The following DLG2 variants were observed in gnomAD, a reference collection of about 807,000 sequenced individuals.
The protein encoded by DLG2 is discs large MAGUK scaffold protein 2, also known as disks large homolog 2.
Under a neutral mutation model 132.5 loss-of-function variants are expected in DLG2, and 45 were observed. The ratio of observed to expected loss-of-function variants is 0.34; its 90% confidence interval spans 0.27 to 0.44. The LOEUF (loss-of-function observed/expected upper bound fraction) is 0.44, where lower values mean the gene tolerates loss of function less well. Among genes scored for constraint, DLG2 ranks in the 20% least tolerant of loss-of-function variants. The pLI, the probability that DLG2 is intolerant of heterozygous loss-of-function variation, is 1.00. For synonymous variants in DLG2, 424 were observed against 419.6 expected, an observed-to-expected ratio of 1.01 and a Z score of -0.13; for missense variants, 1,045 against 1,196.9, an observed-to-expected ratio of 0.87 and a Z score of 1.87.
At chr11:84,255,431 C>T (rs559350724) in intron 7 of DLG2, among the ~76,000 whole-genome samples, 97 of 152,264 alleles carry the variant, frequency 6.4e-4, no homozygotes, top group African/African-American at 2.2e-3. Flanking sequence ...TCAAGTGATT[C>T]TTCTGCCTCA....
chr11:84,780,778 A>C (rs1054153916), intron 6 of DLG2, among the ~76,000 whole-genome samples: 18 of 152,104 alleles, frequency 1.2e-4, no homozygotes, highest in African/African-American at 4.1e-4. Context: ...GTAACAAATG[A>C]TACTATTATC....
chr11:84,466,576 A>G (rs549082836), intron 7 of DLG2, among the ~76,000 whole-genome samples: 2 of 151,476 alleles, frequency 1.3e-5, no homozygotes, highest in African/African-American at 4.8e-5. Context: ...ACAAAATTCC[A>G]CTGAGATACT....
At chr11:85,071,167 A>T (rs189585213) in intron 6 of DLG2, among the ~76,000 whole-genome samples, 34 of 152,042 alleles carry the variant, frequency 2.2e-4, no homozygotes, top group African/African-American at 7.9e-4. Flanking sequence ...TTAGTCATTT[A>T]ACTACTGTGG....
chr11:84,016,542 G>A (rs1479012385), intron 11 of DLG2, among the ~76,000 whole-genome samples: 1 of 152,014 alleles, frequency 6.6e-6, no homozygotes, highest in African/African-American at 2.4e-5. Flanking sequence ...TATAAGGAAG[G>A]GGTCCAGTTT....
intron 9 of DLG2, among the ~76,000 whole-genome samples, chr11:84,142,319 CAA>C (rs71066094): frequency 1.4e-3 from 119 of 86,838 alleles, no homozygotes; most frequent in East Asian, 3.9e-3. Flanking sequence ...GAATCCATCT[CAA>C]AAAAAAAAAA....
Position 83,980,577 on chromosome 11 carries a change from C to T in DLG2, c.985G>A (p.Val329Ile). ...GCTCCTCCATCTATAATTTTAGTTA[C>T]ATAAATGCTGTTGTCTCCAGGAATG... ...QHIPGDNSIYVTKIIDGGAAQ... is the reference protein window; with the variant it reads ...QHIPGDNSIYITKIIDGGAAQ... Residue 329 changes from valine to isoleucine, a missense_variant, in exon 12 of 28, where the codon GTA (valine) becomes ATA (isoleucine). Val to Ile is a conservative substitution (Grantham distance 29). Transcript: ENST00000376104. 1 of 1,613,816 alleles carries T rather than the reference C, an allele frequency of 6.2e-7. No individual in the cohort carries two copies. The highest frequency in any genetic ancestry group is 8.5e-7 in the Non-Finnish European group (1 of 1,179,850).
chr11:84,781,424 T>G (rs2071752780), intron 6 of DLG2, among the ~76,000 whole-genome samples: 1 of 152,092 alleles, frequency 6.6e-6, no homozygotes, highest in Non-Finnish European at 1.5e-5. Context: ...TGAGTTGATT[T>G]CATTCATTAA....
At chr11:84,300,680 G>C (rs1325459406) in intron 7 of DLG2, among the ~76,000 whole-genome samples, 1 of 152,090 alleles carries the variant, frequency 6.6e-6, no homozygotes, top group Non-Finnish European at 1.5e-5. Flanking sequence ...GACATCATAA[G>C]AGCTTCGTAA....
chr11:85,203,988 C>T (rs7129666), intron 4 of DLG2, among the ~76,000 whole-genome samples: 6,443 of 152,150 alleles, frequency 0.042, 187 homozygotes, highest in East Asian at 0.092. Context: ...TTCAACATCT[C>T]TTTATGATAA....
At chr11:84,544,582 G>A (rs1007535299) in intron 6 of DLG2, among the ~76,000 whole-genome samples, 7 of 152,160 alleles carry the variant, frequency 4.6e-5, no homozygotes, top group Admixed American at 4.6e-4. Context: ...ATGAATTCTG[G>A]CATTAGACAC....
intron 3 of DLG2, among the ~76,000 whole-genome samples, chr11:85,321,718 G>GGATCAA (rs1210291013): frequency 6.6e-6 from 1 of 152,100 alleles, no homozygotes; most frequent in Non-Finnish European, 1.5e-5. Flanking sequence ...GAGGAGGAAA[G>GGATCAA]GATCAACTGT....
chr11:85,014,340 T>G lies in DLG2; in HGVS notation c.357+97321A>C, dbSNP rs549134103. ...TAGTACATATTTGGTGCTCAATATG[T>G]TTTAGTTCCTTGTAATTCTTCCTTA... On this transcript the variant is annotated intron_variant, in intron 6 of 27. Transcript: ENST00000376104. Among the ~76,000 whole-genome samples, 35 of 152,310 alleles carry G rather than the reference T, an allele frequency of 2.3e-4. No individual in the cohort carries two copies. In the East Asian group the frequency reaches 6.4e-3, roughly 28 times the overall value.
At chr11:85,183,654 T>C (rs1311547352) in intron 4 of DLG2, among the ~76,000 whole-genome samples, 5 of 151,954 alleles carry the variant, frequency 3.3e-5, no homozygotes, top group Non-Finnish European at 7.4e-5. Context: ...TTGGTCCTGT[T>C]GTACCCCATT....
intron 7 of DLG2, among the ~76,000 whole-genome samples, chr11:84,351,494 A>T (rs2098570781): frequency 6.6e-6 from 1 of 152,230 alleles, no homozygotes; most frequent in Non-Finnish European, 1.5e-5. Flanking sequence ...TTGGCAAGTT[A>T]ATTAATCTCT....
At chr11:84,414,474 G>A (rs976560355) in intron 7 of DLG2, among the ~76,000 whole-genome samples, 7 of 152,224 alleles carry the variant, frequency 4.6e-5, no homozygotes, top group South Asian at 2.1e-4. Context: ...CCTGAGGGAC[G>A]AACTTGGACC....
intron 7 of DLG2, among the ~76,000 whole-genome samples, chr11:84,261,423 G>A (rs1029969071): frequency 1.3e-5 from 2 of 152,056 alleles, no homozygotes; most frequent in Non-Finnish European, 2.9e-5. Flanking sequence ...TAAAGTTCCA[G>A]ATGCTTCATG....
chr11:85,091,162 G>T (rs1275741505), intron 6 of DLG2, among the ~76,000 whole-genome samples: 1 of 152,202 alleles, frequency 6.6e-6, no homozygotes, highest in African/African-American at 2.4e-5. Context: ...CATGAGGTTT[G>T]CGGGAGATAA....
At chr11:85,390,678 T>A (rs942630008) in intron 3 of DLG2, among the ~76,000 whole-genome samples, 2 of 152,012 alleles carry the variant, frequency 1.3e-5, no homozygotes, top group Non-Finnish European at 2.9e-5. Context: ...AATAATATGC[T>A]CCTGAACAAT....
intron 3 of DLG2, among the ~76,000 whole-genome samples, chr11:85,399,671 T>G (rs575345491): frequency 1.8e-4 from 28 of 151,888 alleles, no homozygotes; most frequent in East Asian, 1.7e-3. Context: ...AGAAAAACAA[T>G]CAATGGGGAA....
Sources: allele counts gnomAD v4.1 joint callset (sites outside exome capture counted in the v4.1 genomes callset), GRCh38; gene constraint gnomAD v4.1.1; transcripts MANE v1.5; gene names NCBI Gene and HGNC (gene_info 2026-07-23, HGNC 2026-07-21).